Variants in MACF1 observed in about 807,000 individuals in gnomAD.
MACF1 encodes microtubule actin crosslinking factor 1.
MACF1 carries 193 observed loss-of-function variants against 854.8 expected under a neutral mutation model. That is an observed-to-expected ratio of 0.23 (90% CI 0.20 to 0.25). The LOEUF is 0.25. Ranked by LOEUF, MACF1 falls within the 10% of genes least tolerant of loss-of-function variation. MACF1 has a pLI of 1.00. For synonymous variants in MACF1, 3,185 were observed against 3,226.7 expected, an observed-to-expected ratio of 0.99 and a Z score of 0.44; for missense variants, 7,722 against 8,929.1, an observed-to-expected ratio of 0.86 and a Z score of 5.45.
In MACF1 at chr1:39,435,670, A is replaced by G. The variant is rs201353828; in HGVS notation, c.17897A>G (p.Tyr5966Cys). 29 of 1,614,214 alleles carry G rather than the reference A, an allele frequency of 1.8e-5. No individual in the cohort carries two copies. Among genetic ancestry groups the G allele is most frequent in the Non-Finnish European group, 2.1e-5 (25 of 1,180,038 alleles). Reference sequence around the variant, plus strand: ...GAAGGGGAAATGGTGGAAGAAAAATACCAGAAAGCAGAAAACATGTATGCC... The same window carrying G: ...GAAGGGGAAATGGTGGAAGAAAAATGCCAGAAAGCAGAAAACATGTATGCC... Reference protein sequence around the residue: ...PEEGEMVEEKYQKAENMYAQI... With the variant: ...PEEGEMVEEKCQKAENMYAQI... The change falls in exon 70 of 101, where the codon TAC becomes TGC. Residue 5966 changes from tyrosine to cysteine, a missense_variant. Tyr to Cys is a radical substitution (Grantham distance 194). Coordinates refer to ENST00000564288, the MANE Select transcript of MACF1 (RefSeq NM_001394062.1).
chr1:39,422,231 T>C, intron 58 of MACF1, 143 bp from the exon 59 acceptor site: 1 of 594,214 alleles, frequency 1.7e-6, no homozygotes, highest in Non-Finnish European at 2.9e-6. Context: ...TCTTGATGCT[T>C]CACGTGCAAA....
At chr1:39,245,815 A>G (rs1428267611) in intron 2 of MACF1, among the ~76,000 whole-genome samples, 2 of 152,200 alleles carry the variant, frequency 1.3e-5, no homozygotes, top group African/African-American at 4.8e-5. Flanking sequence ...GATCTTATCT[A>G]TCAAAAATAA....
chr1:39,244,880 T>G (rs193225628), intron 2 of MACF1, among the ~76,000 whole-genome samples: 58 of 152,204 alleles, frequency 3.8e-4, no homozygotes, highest in Non-Finnish European at 4.0e-4. Flanking sequence ...CCCTGGCCAA[T>G]TTTTGTATAT....
At chr1:39,153,119 C>G (rs1643617144) in intron 2 of MACF1, among the ~76,000 whole-genome samples, 1 of 152,196 alleles carries the variant, frequency 6.6e-6, no homozygotes, top group South Asian at 2.1e-4. Flanking sequence ...TTACACCTGA[C>G]TGTTTCAATA....
chr1:39,331,604 G>T lies in MACF1; in HGVS notation c.5016G>T (p.Leu1672=). ...CCCCTAGTGAGAACTGTATTAACCT[G>T]GAAGAGGCTTTTCATCAAGGCCTCA... ...SLSPSENCIN[L]EEAFHQGLIS... is the part of the protein sequence containing the mutation. The change falls in exon 37 of 101, where the codon CTG becomes CTT. Residue 1672 remains leucine, a synonymous_variant. Transcript: ENST00000564288. 6.2e-7 allele frequency: 1 copy of T among 1,614,148 alleles called. No individual in the cohort carries two copies. Among genetic ancestry groups the T allele is most frequent in the African/African-American group, 1.3e-5 (1 of 75,050 alleles).
chr1:39,161,629 G>T (rs369675478), intron 2 of MACF1, among the ~76,000 whole-genome samples: 4 of 152,240 alleles, frequency 2.6e-5, no homozygotes, highest in African/African-American at 9.6e-5. Flanking sequence ...CACTTCAGGA[G>T]GCTGAGGCGG....
At chr1:39,092,067 C>T (rs182215434) in intron 2 of MACF1, among the ~76,000 whole-genome samples, 1 of 152,324 alleles carries the variant, frequency 6.6e-6, no homozygotes, top group Non-Finnish European at 1.5e-5. Flanking sequence ...GGCACTTCTA[C>T]TCCTGCCCCT....
At chr1:39,450,588 TCA>T (rs1391897485) in intron 84 of MACF1, among the ~76,000 whole-genome samples, 23 of 150,700 alleles carry the variant, frequency 1.5e-4, no homozygotes, top group Non-Finnish European at 5.9e-5. Context: ...TCACCATCTC[TCA>T]GTCACTTTTT....
chr1:39,381,011 A>T (rs1221867731), intron 55 of MACF1, among the ~76,000 whole-genome samples: 1 of 152,168 alleles, frequency 6.6e-6, no homozygotes, highest in African/African-American at 2.4e-5. Flanking sequence ...TAAATTGTGT[A>T]CTCATAATAT....
intron 97 of MACF1, among the ~76,000 whole-genome samples, chr1:39,478,491 G>A (rs1644953241): frequency 6.6e-6 from 1 of 152,182 alleles, no homozygotes; most frequent in South Asian, 2.1e-4. Context: ...ATCACAGTTG[G>A]CAGCAGAGCT....
chr1:39,153,171 C>T (rs1643617986), intron 2 of MACF1, among the ~76,000 whole-genome samples: 1 of 152,168 alleles, frequency 6.6e-6, no homozygotes, highest in African/African-American at 2.4e-5. Flanking sequence ...CATCTCTCTG[C>T]TAGAGATCTA....
Position 39,451,073 on chromosome 1 carries a change from C to T in MACF1, c.20280C>T (p.Ala6760=). 2 of 1,613,702 alleles carry T rather than the reference C, an allele frequency of 1.2e-6. No individual in the cohort carries two copies. The highest frequency in any genetic ancestry group is 1.7e-6 in the Non-Finnish European group (2 of 1,179,876). The part of the protein sequence containing the change: ...SVERQHKLEE[A]LLFSGQFMDA... ...TCAGGCAGCACAAGTTGGAGGAAGCCCTGCTCTTTTCGGGTCAGTTCATGG... is the reference window on the plus strand; with the variant it reads ...TCAGGCAGCACAAGTTGGAGGAAGCTCTGCTCTTTTCGGGTCAGTTCATGG... Residue 6760 remains alanine, a synonymous_variant, in exon 85 of 101, where the codon GCC becomes GCT. Transcript: ENST00000564288.
At chr1:39,254,966 A>G (rs369312381) in intron 5 of MACF1, among the ~76,000 whole-genome samples, 15 of 152,240 alleles carry the variant, frequency 9.9e-5, no homozygotes, top group East Asian at 9.7e-4. Context: ...CAATGAAGAG[A>G]GTAAGAATGA....
intron 58 of MACF1, among the ~76,000 whole-genome samples, chr1:39,415,607 C>T (rs370704433): frequency 8.8e-4 from 133 of 151,538 alleles, no homozygotes; most frequent in Non-Finnish European, 1.6e-3. Flanking sequence ...ATGATCTGCC[C>T]GCCTCGGCCT....
intron 2 of MACF1, among the ~76,000 whole-genome samples, chr1:39,239,943 G>A (rs1644903955): frequency 6.6e-6 from 1 of 152,096 alleles, no homozygotes; most frequent in African/African-American, 2.4e-5. Flanking sequence ...TCTGTTTTAA[G>A]AGACAAGTTA....
intron 58 of MACF1, among the ~76,000 whole-genome samples, chr1:39,404,118 C>G (rs751200547): frequency 6.7e-6 from 1 of 150,106 alleles, no homozygotes; most frequent in Non-Finnish European, 1.5e-5. Context: ...CAGAGTGAGA[C>G]TCTGCCTCAA....
chr1:39,462,099 T>G, intron 93 of MACF1, 62 bp downstream of exon 93: 1 of 1,560,414 alleles, frequency 6.4e-7, no homozygotes. Context: ...ATCCTGAATT[T>G]GGTTGGGTTC....
At chr1:39,441,887 A>G in intron 74 of MACF1, 65 bp from the exon 75 acceptor site, 1 of 1,178,072 alleles carries the variant, frequency 8.5e-7, no homozygotes, top group Non-Finnish European at 1.3e-6. Flanking sequence ...GTTAGCAGAG[A>G]TAATGCTAAT....
intron 58 of MACF1, among the ~76,000 whole-genome samples, chr1:39,390,384 G>A (rs6600291): frequency 0.062 from 9,478 of 152,266 alleles, 758 homozygotes; most frequent in African/African-American, 0.19. Flanking sequence ...GGATCCAAGT[G>A]CAAAAATGTG....
Sources: allele counts gnomAD v4.1 joint callset (sites outside exome capture counted in the v4.1 genomes callset), GRCh38; gene constraint gnomAD v4.1.1; transcripts MANE v1.5; gene names NCBI Gene and HGNC (gene_info 2026-07-23, HGNC 2026-07-21).